The following ARL15 variants were observed in gnomAD, a reference collection of about 807,000 sequenced individuals.
ARL15 encodes ARF like GTPase 15.
ARL15 carries 19 observed loss-of-function variants against 25.2 expected under a neutral mutation model. That is an observed-to-expected ratio of 0.75 (90% CI 0.53 to 1.10). ARL15 has a LOEUF of 1.10. ARL15 is among the 50% of genes least tolerant of loss of function. The pLI is 0.00. For synonymous variants in ARL15, 94 were observed against 86.8 expected (o/e 1.08, Z -0.46); for missense variants, 220 against 246.0 (o/e 0.89, Z 0.71).
At chr5:53,978,454 C>A (rs1748013205) in intron 4 of ARL15, among the ~76,000 whole-genome samples, 1 of 151,730 alleles carries the variant, frequency 6.6e-6, no homozygotes, top group Non-Finnish European at 1.5e-5. Context: ...GTTTTACTAT[C>A]TACTCCCGGA....
chr5:54,078,504 A>G (rs944694677), intron 4 of ARL15, among the ~76,000 whole-genome samples: 1 of 152,208 alleles, frequency 6.6e-6, no homozygotes, highest in Non-Finnish European at 1.5e-5. Context: ...ATTTAGACAC[A>G]TATGAGAAGG....
intron 4 of ARL15, among the ~76,000 whole-genome samples, chr5:54,025,700 G>A (rs773335134): frequency 1.1e-4 from 17 of 152,004 alleles, no homozygotes; most frequent in African/African-American, 1.7e-4. Context: ...ATTACAATCC[G>A]ATCACATTAG....
intron 3 of ARL15, among the ~76,000 whole-genome samples, chr5:54,152,289 G>T (rs1754089507): frequency 6.6e-6 from 1 of 152,072 alleles, no homozygotes; most frequent in Non-Finnish European, 1.5e-5. Flanking sequence ...CTTATTTTGG[G>T]ATGATCCCCT....
chr5:54,303,764 G>A (rs1402362849), intron 1 of ARL15, among the ~76,000 whole-genome samples: 1 of 144,244 alleles, frequency 6.9e-6, no homozygotes, highest in Non-Finnish European at 1.5e-5. Context: ...GGAGGGGAAG[G>A]GAGGGAAGAA....
intron 4 of ARL15, among the ~76,000 whole-genome samples, chr5:53,897,548 T>C (rs558523590): frequency 4.9e-4 from 75 of 152,376 alleles, no homozygotes; most frequent in African/African-American, 1.8e-3. Context: ...AGCAGTTTTG[T>C]GTAAACACAT....
intron 3 of ARL15, among the ~76,000 whole-genome samples, chr5:54,151,893 G>C (rs1754079888): frequency 6.6e-6 from 1 of 151,688 alleles, no homozygotes; most frequent in South Asian, 2.1e-4. Context: ...AAGAGCCTTG[G>C]AACTATCTGA....
intron 3 of ARL15, among the ~76,000 whole-genome samples, chr5:54,119,804 TAAATTCAAACC>T (rs552027011): frequency 8.5e-5 from 13 of 152,174 alleles, no homozygotes; most frequent in Non-Finnish European, 1.6e-4. Context: ...TTAGTTCTTG[TAAATTCAAACC>T]ACTACATGCG....
At chr5:54,021,136 G>A (rs1749588470) in intron 4 of ARL15, among the ~76,000 whole-genome samples, 1 of 152,174 alleles carries the variant, frequency 6.6e-6, no homozygotes, top group Non-Finnish European at 1.5e-5. Context: ...TGGAGTTCGA[G>A]ACCAGCCTGA....
chr5:54,117,201 G>A (rs1344348322), intron 3 of ARL15, among the ~76,000 whole-genome samples: 1 of 152,152 alleles, frequency 6.6e-6, no homozygotes, highest in Admixed American at 6.6e-5. Context: ...GGTGTCCAGT[G>A]AGTCAGGTAT....
In ARL15 at chr5:54,086,514, G is replaced by A. The variant is rs973285509; in HGVS notation, c.462+26688C>T. 2.0e-5 allele frequency among the ~76,000 whole-genome samples: 3 copies of A among 151,408 alleles called. No individual in the cohort carries two copies. In the East Asian group the frequency reaches 5.8e-4, roughly 29 times the overall value. On this transcript the variant is annotated intron_variant, in intron 4 of 4. Coordinates refer to ENST00000504924, the MANE Select transcript of ARL15 (RefSeq NM_019087.3). Reference sequence around the variant, plus strand: ...ATTTACCAGATGTAAATTTTATCAGGCTTTGTGTTGAAGAGATTTCTTCAA... The same window carrying A: ...ATTTACCAGATGTAAATTTTATCAGACTTTGTGTTGAAGAGATTTCTTCAA...
chr5:54,097,005 C>T (rs1423474776), intron 4 of ARL15, among the ~76,000 whole-genome samples: 2 of 152,108 alleles, frequency 1.3e-5, no homozygotes, highest in African/African-American at 4.8e-5. Flanking sequence ...CCTTACTGCA[C>T]AAAGAAAACA....
At chr5:53,986,436 T>C (rs1386622782) in intron 4 of ARL15, among the ~76,000 whole-genome samples, 2 of 152,346 alleles carry the variant, frequency 1.3e-5, no homozygotes, top group African/African-American at 4.8e-5. Context: ...TCAGATCAGA[T>C]GCCTCTAATT....
chr5:54,240,982 T>C (rs1420270145), intron 1 of ARL15, among the ~76,000 whole-genome samples: 1 of 152,204 alleles, frequency 6.6e-6, no homozygotes, highest in Admixed American at 6.5e-5. Context: ...ACTAGTTAGA[T>C]ATGGTACTAA....
chr5:53,991,833 CTTA>C (rs1451252078), intron 4 of ARL15, among the ~76,000 whole-genome samples: 1 of 151,850 alleles, frequency 6.6e-6, no homozygotes, highest in African/African-American at 2.4e-5. Flanking sequence ...TAACAGTTAA[CTTA>C]TTAAGTACCT....
chr5:54,251,952 T>C (rs565663401), intron 1 of ARL15, among the ~76,000 whole-genome samples: 396 of 152,324 alleles, frequency 2.6e-3, no homozygotes, highest in Non-Finnish European at 4.7e-3. Flanking sequence ...CAATCAAAGT[T>C]GACAACCAGT....
At chr5:54,055,400 G>A (rs1332475337) in intron 4 of ARL15, among the ~76,000 whole-genome samples, 7 of 113,222 alleles carry the variant, frequency 6.2e-5, no homozygotes, top group African/African-American at 1.4e-4. Flanking sequence ...TTGCTCTGTC[G>A]CCCAGGCTGG....
At chr5:54,227,119 G>T (rs979695823) in intron 1 of ARL15, among the ~76,000 whole-genome samples, 1 of 152,118 alleles carries the variant, frequency 6.6e-6, no homozygotes, top group Admixed American at 6.5e-5. Flanking sequence ...ATCTTTATTA[G>T]TAGCATGAGA....
chr5:53,977,521 A>C (rs1193469590), intron 4 of ARL15, among the ~76,000 whole-genome samples: 1 of 152,170 alleles, frequency 6.6e-6, no homozygotes, highest in Non-Finnish European at 1.5e-5. Context: ...TGTTCCCATC[A>C]AATCTGTGTC....
At chr5:54,131,204 C>A (rs940208935) in intron 3 of ARL15, among the ~76,000 whole-genome samples, 2 of 152,156 alleles carry the variant, frequency 1.3e-5, no homozygotes, top group African/African-American at 4.8e-5. Context: ...CCTTGCAAAG[C>A]ATTAGTCCAA....
Sources: allele counts gnomAD v4.1 joint callset (sites outside exome capture counted in the v4.1 genomes callset), GRCh38; gene constraint gnomAD v4.1.1; transcripts MANE v1.5; gene names NCBI Gene and HGNC (gene_info 2026-07-23, HGNC 2026-07-21).